FBXO31: variants seen among roughly 807,000 people sequenced by gnomAD.
The protein encoded by FBXO31 is F-box only protein 31.
FBXO31 carries 24 observed loss-of-function variants against 54.4 expected under a neutral mutation model. The observed-to-expected ratio is 0.44, with a 90% CI of 0.32 to 0.62. The LOEUF is 0.62. Ranked by LOEUF, FBXO31 falls within the 20% of genes least tolerant of loss-of-function variation. The probability of loss-of-function intolerance (pLI) is 0.05; values close to 1 mark genes in which losing one functional copy is unlikely to be tolerated. For synonymous variants in FBXO31, 388 were observed against 335.6 expected, an observed-to-expected ratio of 1.16 and a Z score of -1.71; for missense variants, 665 against 787.1, an observed-to-expected ratio of 0.84 and a Z score of 1.86.
rs553363171 is a variant in FBXO31 at position 87,359,902 on chromosome 16, G to A, written c.412+393C>T. ...AACTCTAGCAGGGGGGCTGTTCTCC[G>A]TACCTGGGGCTTGGACAGAAGGCAC... On this transcript the variant is annotated intron_variant, in intron 2 of 8. Coordinates refer to ENST00000311635, the MANE Select transcript of FBXO31 (RefSeq NM_024735.5). Among the ~76,000 whole-genome samples the A allele has an allele frequency of 1.2e-4, 19 of 152,290 alleles. 1 individual carries two copies. In the South Asian group the frequency reaches 3.7e-3, roughly 30 times the overall value.
chr16:87,347,195 G>A lies in FBXO31; in HGVS notation c.468C>T (p.Tyr156=), dbSNP rs139144108. ...LGLWQPDIGP[Y]GGLLNVVVDG... is the part of the protein sequence containing the mutation. ...TTACCACCACGTTCAGCAGTCCTCC[G>A]TATGGCCCGATATCTGGCTGCCACA... The change falls in exon 3 of 9, where the codon TAC becomes TAT. Residue 156 remains tyrosine (Y), a synonymous_variant. Coordinates refer to ENST00000311635, the MANE Select transcript of FBXO31 (RefSeq NM_024735.5). 175 of 1,613,974 alleles carry A rather than the reference G, an allele frequency of 1.1e-4. 1 individual carries two copies. The highest frequency in any genetic ancestry group is 3.3e-4 in the Middle Eastern group (2 of 6,078).
rs771636200 is a variant in FBXO31 at position 87,347,183 on chromosome 16, C to T, written c.480G>A (p.Leu160=). The T allele has an allele frequency of 6.2e-7, 1 of 1,614,118 alleles. No homozygotes were observed. Among genetic ancestry groups the T allele is most frequent in the South Asian group, 1.1e-5 (1 of 91,080 alleles). ...AGGCTCCGGGACTTACCACCACGTT[C>T]AGCAGTCCTCCGTATGGCCCGATAT... ...QPDIGPYGGL[L]NVVVDGLFII... The change falls in exon 3 of 9, where the codon CTG becomes CTA. Residue 160 remains leucine (L), a synonymous_variant. Transcript: ENST00000311635.
chr16:87,383,381 G>GCCCCCCCCCCCCC lies in FBXO31; in HGVS notation c.340+23_340+24insGGGGGGGGGGGGG. 1 of 1,417,884 alleles carries GCCCCCCCCCCCCC rather than the reference G, an allele frequency of 7.1e-7. No individual in the cohort carries two copies. The highest frequency in any genetic ancestry group is 9.6e-7 in the Non-Finnish European group (1 of 1,041,928). The allele number at this position is 1,417,884 out of a possible 1,614,324, so 87.8% of individuals were successfully genotyped here. On this transcript the variant is annotated intron_variant, in intron 1 of 8. Transcript: ENST00000311635. The surrounding 1 kb of genome is among the most constrained non-coding windows in gnomAD (Gnocchi z 4.9). Reference sequence around the variant, plus strand: ...TGGCAGGGACCCCCCGCCCCTCCCGGCCCCGCCACCCCCGCGCGCTCACCC... The same window carrying GCCCCCCCCCCCCC: ...TGGCAGGGACCCCCCGCCCCTCCCGGCCCCCCCCCCCCCCCCCGCCACCCCCGCGCGCTCACCC...
chr16:87,379,459 A>C (rs1030237526), intron 1 of FBXO31, among the ~76,000 whole-genome samples: 17 of 152,206 alleles, frequency 1.1e-4, no homozygotes, highest in African/African-American at 4.1e-4. Flanking sequence ...TTTGAACCTC[A>C]GCACATGATG....
chr16:87,344,706 A>T (rs923689282), intron 3 of FBXO31, among the ~76,000 whole-genome samples: 8 of 152,114 alleles, frequency 5.3e-5, no homozygotes, highest in African/African-American at 1.9e-4. Context: ...CCACTAAAAG[A>T]AAGGAAAGCA....
intron 1 of FBXO31, among the ~76,000 whole-genome samples, chr16:87,377,080 C>T (rs1485520324): frequency 3.9e-5 from 6 of 152,190 alleles, no homozygotes; most frequent in African/African-American, 7.2e-5. Context: ...AGTTGTTTAC[C>T]ACGTTCGTAA....
intron 1 of FBXO31, 134 bp from the exon 2 acceptor site, chr16:87,360,500 T>C (rs150992027): frequency 1.4e-6 from 1 of 702,640 alleles, no homozygotes; most frequent in Non-Finnish European, 2.5e-6. Flanking sequence ...TCTGTCACTG[T>C]GGAGATTTCA....
chr16:87,341,575 G>C (rs1344932646), intron 5 of FBXO31, among the ~76,000 whole-genome samples: 8 of 143,374 alleles, frequency 5.6e-5, no homozygotes, highest in East Asian at 4.5e-4. Context: ...AGAACTGCCT[G>C]AACCGGGAAG....
chr16:87,381,494 G>A (rs1907075285), intron 1 of FBXO31, among the ~76,000 whole-genome samples: 2 of 152,198 alleles, frequency 1.3e-5, no homozygotes, highest in Non-Finnish European at 2.9e-5. Context: ...AGCTTGTCCA[G>A]GATCTCACAG....
At position 87,335,841 on chromosome 16, in the gene FBXO31, A is replaced by G. The variant is rs1567613723; in HGVS notation, c.842+314T>C. Among the ~76,000 whole-genome samples the G allele has an allele frequency of 6.6e-6, 1 of 152,190 alleles. No individual in the cohort carries two copies. The highest frequency in any genetic ancestry group is 1.5e-5 in the Non-Finnish European group (1 of 68,016). ...GAGTGCCAGTGTTGGCAGGGGTGACAGGAAATCAGATAAAAACAGACACCC... is the reference window on the plus strand; with the variant it reads ...GAGTGCCAGTGTTGGCAGGGGTGACGGGAAATCAGATAAAAACAGACACCC... On this transcript the variant is annotated intron_variant, in intron 6 of 8. Coordinates refer to ENST00000311635, the MANE Select transcript of FBXO31 (RefSeq NM_024735.5). This position sits in a 1 kb window ranked among gnomAD's most constrained non-coding sequence, Gnocchi z 5.7.
chr16:87,368,624 C>CTT (rs201112757), intron 1 of FBXO31, among the ~76,000 whole-genome samples: 7 of 133,694 alleles, frequency 5.2e-5, no homozygotes, highest in Non-Finnish European at 8.1e-5. Flanking sequence ...AATCTATTTC[C>CTT]TTTTTTTTTT....
intron 1 of FBXO31, among the ~76,000 whole-genome samples, chr16:87,372,084 T>A (rs1242608519): frequency 1.3e-5 from 2 of 151,736 alleles, no homozygotes; most frequent in Non-Finnish European, 2.9e-5. Flanking sequence ...ATTAGCCAGG[T>A]ATGGTGGCAC....
At chr16:87,331,998 G>A (rs947683648) in intron 8 of FBXO31, among the ~76,000 whole-genome samples, 4 of 152,240 alleles carry the variant, frequency 2.6e-5, no homozygotes, top group Non-Finnish European at 5.9e-5. Flanking sequence ...CTCAGAAGTC[G>A]CAAACACCCA....
chr16:87,353,356 G>C (rs1393907809), intron 2 of FBXO31, among the ~76,000 whole-genome samples: 1 of 152,254 alleles, frequency 6.6e-6, no homozygotes, highest in African/African-American at 2.4e-5. Flanking sequence ...CATTACTGTG[G>C]AGGCTGGGCT....
intron 1 of FBXO31, chr16:87,389,670 A>G (rs1907452287): frequency 6.6e-6 from 1 of 152,080 alleles, no homozygotes; most frequent in South Asian, 2.1e-4. Flanking sequence ...CACAGACTCC[A>G]CTCTTTAAGA....
chr16:87,342,841 G>A (rs753438432), intron 5 of FBXO31, 36 bp downstream of exon 5: 12 of 1,560,982 alleles, frequency 7.7e-6, no homozygotes, highest in South Asian at 2.4e-5. Context: ...GGAAAGGTCC[G>A]CACCATATGA....
Position 87,335,509 on chromosome 16 carries a change from T to C in FBXO31, c.843-52A>G, listed in dbSNP as rs1389432309. ...GGAGACCTCGTGGGGCAGGCAGGAC[T>C]GAGAACGCCCAAGGTGCCAGGGATG... On this transcript the variant is annotated intron_variant, in intron 6 of 8. Transcript: ENST00000311635. This position sits in a 1 kb window ranked among gnomAD's most constrained non-coding sequence, Gnocchi z 5.7. 3 of 1,537,714 alleles carry C rather than the reference T, an allele frequency of 2.0e-6. No homozygotes were observed. Among genetic ancestry groups the C allele is most frequent in the East Asian group, 2.4e-5 (1 of 41,910 alleles).
rs745426483 is a variant in FBXO31, at chr16:87,336,129, C to A, written c.842+26G>T. ...AGCACACACCAGGAGAGGGCTACCC[C>A]AGCACCGAGCAGGAGCCGCACTCAC... On this transcript the variant is annotated intron_variant, in intron 6 of 8. Coordinates refer to ENST00000311635, the MANE Select transcript of FBXO31 (RefSeq NM_024735.5). The surrounding 1 kb of genome is among the most constrained non-coding windows in gnomAD (Gnocchi z 6.5). The A allele has an allele frequency of 1.3e-6, 2 of 1,597,980 alleles. No homozygotes were observed. The highest frequency in any genetic ancestry group is 1.7e-6 in the Non-Finnish European group (2 of 1,165,666).
chr16:87,366,274 G>T (rs1906364891), intron 1 of FBXO31, among the ~76,000 whole-genome samples: 2 of 152,324 alleles, frequency 1.3e-5, no homozygotes, highest in Admixed American at 1.3e-4. Context: ...ACTAAGAGAA[G>T]ACGGTCACAA....
Sources: gnomAD v4.1 joint callset for allele counts (sites outside exome capture counted in the v4.1 genomes callset) on GRCh38, gnomAD v4.1.1 for gene constraint, Gnocchi (gnomAD v3.1) non-coding constraint, MANE v1.5 for transcripts, NCBI Gene and HGNC (gene_info 2026-07-23, HGNC 2026-07-21) for gene names.